NCAPG2: variants seen among roughly 807,000 people sequenced by gnomAD.
NCAPG2 encodes the protein condensin-2 complex subunit G2.
In NCAPG2, 53 loss-of-function variants were observed where a neutral mutation model predicts 141.1. The ratio of observed to expected loss-of-function variants is 0.38; its 90% CI spans 0.30 to 0.47. The LOEUF is 0.47. Among genes scored for constraint, NCAPG2 ranks in the 20% least tolerant of loss-of-function variants. The probability of loss-of-function intolerance (pLI) is 0.99; values close to 1 mark genes in which losing one functional copy is unlikely to be tolerated. For missense variants in NCAPG2, 1,087 were observed against 1,389.0 expected (o/e 0.78, Z 3.46); for synonymous variants, 499 against 490.7 (o/e 1.02, Z -0.22).
In NCAPG2 at chr7:158,652,295, G is replaced by A. The variant is rs746675602; in HGVS notation, c.2932C>T (p.Arg978Trp). The A allele has an allele frequency of 1.9e-6, 3 of 1,612,964 alleles. No individual in the cohort carries two copies. Among genetic ancestry groups the A allele is most frequent in the Non-Finnish European group, 1.7e-6 (2 of 1,179,768 alleles). The part of the protein sequence containing the change: ...SFRKQPEEGL[R>W]LLYSVQRPLH... ...CCGTCCTGGGGAGTTCTGAGTACCC[G>A]CAGGCCTTCTTCCGGCTGCTTCCTG... Residue 978 changes from arginine (R) to tryptophan (W), a missense_variant and splice_region_variant, in exon 23 of 28, where the codon CGG becomes TGG. Arg to Trp is a moderately radical substitution (Grantham distance 101, BLOSUM62 -3). Coordinates refer to ENST00000356309, the MANE Select transcript of NCAPG2 (RefSeq NM_017760.7).
intron 5 of NCAPG2, 132 bp downstream of exon 5, chr7:158,690,436 T>C (rs1835044735): frequency 1.5e-5 from 12 of 820,786 alleles, no homozygotes; most frequent in Non-Finnish European, 2.1e-5. Flanking sequence ...TCTCAGCTAC[T>C]TGAGAGGCTG....
At position 158,631,477 on chromosome 7, in the gene NCAPG2, C is replaced by A; in HGVS notation, c.*189G>T. ...ATATTAAATATATTATTTACGCAGG[C>A]ACTAGGCAAAATTGAAGAAGTTTTG... On this transcript the variant is annotated 3_prime_UTR_variant, in exon 28 of 28. Coordinates refer to ENST00000356309, the MANE Select transcript of NCAPG2 (RefSeq NM_017760.7). 1.6e-6 allele frequency: 1 copy of A among 632,798 alleles called. No individual in the cohort carries two copies. Among genetic ancestry groups the A allele is most frequent in the South Asian group, 1.9e-5 (1 of 53,508 alleles). The allele number at this position is 632,798 out of a possible 1,614,324, so 39.2% of individuals were successfully genotyped here. A position where few individuals can be genotyped will look rare whatever the true frequency, so the allele number is the denominator to read the frequency against.
At chr7:158,672,563 G>A (rs6976925) in intron 12 of NCAPG2, among the ~76,000 whole-genome samples, 82,714 of 151,062 alleles carry the variant, frequency 0.55, 23,178 homozygotes, top group Non-Finnish European at 0.6. Context: ...GGATGGTCTC[G>A]ATCTCCTGAC....
At position 158,662,327 on chromosome 7, in the gene NCAPG2, A is replaced by G; in HGVS notation, c.1856T>C (p.Met619Thr). 1 of 1,602,768 alleles carries G rather than the reference A, an allele frequency of 6.2e-7. No individual in the cohort carries two copies. Among genetic ancestry groups the G allele is most frequent in the Non-Finnish European group, 8.5e-7 (1 of 1,175,544 alleles). ...CACAATGATTTCTAGTAAACCTGCC[A>G]TGCATGCAACATCGTTTACTGACAG... ...KTLSVNDVAC[M>T]AGLLEIIVIL... Residue 619 changes from methionine (M) to threonine (T), a missense_variant, in exon 16 of 28, where the codon ATG becomes ACG. Coordinates refer to ENST00000356309, the MANE Select transcript of NCAPG2 (RefSeq NM_017760.7).
intron 19 of NCAPG2, among the ~76,000 whole-genome samples, chr7:158,655,665 C>A (rs1340414075): frequency 6.6e-6 from 1 of 152,294 alleles, no homozygotes; most frequent in Admixed American, 6.5e-5. Context: ...CTCAGCTCAC[C>A]GTCCACAGCC....
At chr7:158,695,810 C>T (rs569944206) in intron 2 of NCAPG2, among the ~76,000 whole-genome samples, 3 of 152,360 alleles carry the variant, frequency 2.0e-5, no homozygotes, top group African/African-American at 7.2e-5. Context: ...TGCAGACTAG[C>T]GAGCTGCCTG....
intron 27 of NCAPG2, among the ~76,000 whole-genome samples, chr7:158,637,265 A>G (rs1830285806): frequency 6.6e-6 from 1 of 152,148 alleles, no homozygotes; most frequent in South Asian, 2.1e-4. Context: ...CCTGATTAAA[A>G]CTAGCATAGT....
intron 16 of NCAPG2, among the ~76,000 whole-genome samples, chr7:158,661,883 T>C (rs781529800): frequency 6.6e-6 from 1 of 152,116 alleles, no homozygotes; most frequent in Admixed American, 6.6e-5. Flanking sequence ...CGAAACTCTT[T>C]CTTAAACCCC....
intron 9 of NCAPG2, among the ~76,000 whole-genome samples, chr7:158,682,549 T>G (rs1189957981): frequency 2.0e-5 from 3 of 152,236 alleles, no homozygotes; most frequent in Non-Finnish European, 4.4e-5. Flanking sequence ...ATTTACATTC[T>G]ATAAATAGCA....
chr7:158,667,315 TA>T, intron 13 of NCAPG2: 1 of 164,630 alleles, frequency 6.1e-6, no homozygotes, highest in Non-Finnish European at 7.6e-6. Context: ...CCTTAGCCGC[TA>T]CTGTGTCCCT....
intron 24 of NCAPG2, 146 bp downstream of exon 24, chr7:158,650,686 G>A (rs1321886929): frequency 1.0e-6 from 1 of 971,110 alleles, no homozygotes; most frequent in East Asian, 2.7e-5. Flanking sequence ...ACTCTGAGGT[G>A]TAGCTGCTAG....
At chr7:158,689,207 CAATA>C (rs1563572937) in intron 6 of NCAPG2, among the ~76,000 whole-genome samples, 9 of 152,068 alleles carry the variant, frequency 5.9e-5, no homozygotes. Flanking sequence ...ATATAACAGA[CAATA>C]AAAATATTGT....
At position 158,687,343 on chromosome 7, in the gene NCAPG2, C is replaced by A. The variant is rs759056845; in HGVS notation, c.767+5G>T. On this transcript the variant is annotated splice_donor_5th_base_variant and intron_variant, in intron 7 of 27. Coordinates refer to ENST00000356309, the MANE Select transcript of NCAPG2 (RefSeq NM_017760.7). ...CACAAAATCTTCAGTACTTTTAACA[C>A]TTACTTTTGTAATCCCTGTAACTGG... is the stretch of plus-strand genomic sequence containing the variant. The A allele has an allele frequency of 6.3e-7, 1 of 1,594,378 alleles. No homozygotes were observed. The highest frequency in any genetic ancestry group is 1.3e-5 in the African/African-American group (1 of 74,244).
chr7:158,687,480 C>T, intron 6 of NCAPG2, 38 bp from the exon 7 acceptor site: 1 of 1,446,044 alleles, frequency 6.9e-7, no homozygotes, highest in East Asian at 2.3e-5. Flanking sequence ...ACATTGCAAC[C>T]AAATAAAAAG....
intron 22 of NCAPG2, among the ~76,000 whole-genome samples, chr7:158,653,137 G>T (rs902646720): frequency 1.3e-5 from 2 of 152,090 alleles, no homozygotes; most frequent in African/African-American, 4.8e-5. Flanking sequence ...GAAAGGCCAA[G>T]GTGGGTGGAT....
intron 11 of NCAPG2, among the ~76,000 whole-genome samples, chr7:158,676,137 A>T (rs1390450422): frequency 6.6e-6 from 1 of 152,242 alleles, no homozygotes; most frequent in Non-Finnish European, 1.5e-5. Context: ...ATTCGACATC[A>T]ACAGGGAAAT....
chr7:158,692,728 C>T (rs1380478267), intron 4 of NCAPG2, 114 bp downstream of exon 4: 7 of 804,162 alleles, frequency 8.7e-6, no homozygotes, highest in East Asian at 2.8e-5. Context: ...GCAACAAGAG[C>T]GAAACTCCGT....
intron 1 of NCAPG2, among the ~76,000 whole-genome samples, chr7:158,704,213 G>C (rs1443701672): frequency 1.5e-5 from 2 of 133,150 alleles, no homozygotes; most frequent in South Asian, 2.5e-4. Context: ...GTCGCTCTCT[G>C]AGGGTAGTGC....
chr7:158,667,362 GGATCCCTCCGCCCCCCCTT>G (rs1833102286), intron 13 of NCAPG2: 1 of 141,652 alleles, frequency 7.1e-6, no homozygotes, highest in Non-Finnish European at 8.2e-6. Context: ...AGCCACTACC[GGATCCCTCCGCCCCCCCTT>G]ACCCACTACT....
Sources: allele counts gnomAD v4.1 joint callset (sites outside exome capture counted in the v4.1 genomes callset), GRCh38; gene constraint gnomAD v4.1.1; transcripts MANE v1.5; gene names NCBI Gene and HGNC (gene_info 2026-07-23, HGNC 2026-07-21).